PRKN: variants seen among roughly 807,000 people sequenced by gnomAD.
PRKN encodes E3 ubiquitin-protein ligase parkin.
PRKN carries 56 observed loss-of-function variants against 59.5 expected under a neutral mutation model. That is an observed-to-expected ratio of 0.94 (90% CI 0.76 to 1.18). The LOEUF (loss-of-function observed/expected upper bound fraction) is 1.18. Ranked by LOEUF, PRKN falls within the 50% of genes most tolerant of loss-of-function variation. The pLI, the probability that PRKN is intolerant of heterozygous loss-of-function variation, is 0.00. For synonymous variants in PRKN, 250 were observed against 222.1 expected (o/e 1.13, Z -1.12); for missense variants, 657 against 596.4 (o/e 1.10, Z -1.06).
At chr6:161,477,610 A>C (rs985188586) in intron 9 of PRKN, among the ~76,000 whole-genome samples, 1 of 152,156 alleles carries the variant, frequency 6.6e-6, no homozygotes. Flanking sequence ...AGCATAGAAG[A>C]AAATTAACTT....
chr6:162,032,295 C>T lies in PRKN; in HGVS notation c.618+21796G>A, dbSNP rs188755542. ...CAATGAAAATAATAATATTTTAAAA[C>T]CACCAAGCAAAAACAAGGCAAATAT... On this transcript the variant is annotated intron_variant, in intron 5 of 11. Transcript: ENST00000366898. Among the ~76,000 whole-genome samples, 193 of 152,088 alleles carry T rather than the reference C, an allele frequency of 1.3e-3. 1 individual carries two copies. The highest frequency in any genetic ancestry group is 4.6e-3 in the African/African-American group (189 of 41,490).
intron 7 of PRKN, among the ~76,000 whole-genome samples, chr6:161,647,760 T>A (rs1469135561): frequency 6.6e-6 from 1 of 152,222 alleles, no homozygotes. Context: ...TTATTGAGTT[T>A]CTTCAGTGTT....
chr6:162,158,827 G>C (rs1893549), intron 4 of PRKN, among the ~76,000 whole-genome samples: 1 of 151,866 alleles, frequency 6.6e-6, no homozygotes, highest in Admixed American at 6.6e-5. Flanking sequence ...ACTATTATAG[G>C]CTTCAAACGA....
chr6:162,610,442 A>T (rs992366632), intron 1 of PRKN, among the ~76,000 whole-genome samples: 1 of 152,240 alleles, frequency 6.6e-6, no homozygotes, highest in Non-Finnish European at 1.5e-5. Flanking sequence ...CTATTCCAAC[A>T]TGGAAGCAAC....
chr6:162,317,275 G>C (rs1006872766), intron 2 of PRKN, among the ~76,000 whole-genome samples: 1 of 152,058 alleles, frequency 6.6e-6, no homozygotes, highest in East Asian at 2.0e-4. Flanking sequence ...CACTTTCCCC[G>C]ATACTGTTCC....
intron 7 of PRKN, among the ~76,000 whole-genome samples, chr6:161,740,054 C>T (rs111719343): frequency 0.028 from 4,229 of 152,280 alleles, 213 homozygotes; most frequent in African/African-American, 0.097. Context: ...TGCGCCCGGC[C>T]AACACATGTA....
intron 7 of PRKN, among the ~76,000 whole-genome samples, chr6:161,754,299 C>T (rs751001558): frequency 6.6e-6 from 1 of 151,920 alleles, no homozygotes; most frequent in East Asian, 1.9e-4. Flanking sequence ...TGAGAGGACA[C>T]CAGCTTGACT....
At chr6:161,439,683 T>TA (rs756904170) in intron 9 of PRKN, among the ~76,000 whole-genome samples, 16 of 143,226 alleles carry the variant, frequency 1.1e-4, no homozygotes, top group Non-Finnish European at 2.1e-4. Flanking sequence ...AGTGTACCTT[T>TA]GGTGAAACAA....
intron 1 of PRKN, among the ~76,000 whole-genome samples, chr6:162,472,342 T>C (rs1264105498): frequency 2.0e-5 from 3 of 148,724 alleles, no homozygotes; most frequent in Non-Finnish European, 1.5e-5. Context: ...CTCCTAATGC[T>C]ACCCCTCCCC....
chr6:161,688,382 G>A (rs1197462553), intron 7 of PRKN, among the ~76,000 whole-genome samples: 18 of 152,212 alleles, frequency 1.2e-4, no homozygotes, highest in Admixed American at 1.2e-3. Flanking sequence ...CCAAAACATG[G>A]GGAAGAGCCT....
chr6:161,859,798 T>C (rs564137753), intron 6 of PRKN, among the ~76,000 whole-genome samples: 2 of 152,072 alleles, frequency 1.3e-5, no homozygotes, highest in Non-Finnish European at 2.9e-5. Flanking sequence ...CCTAAAACTA[T>C]GGTTTTATCC....
chr6:161,522,160 C>T (rs1418592484), intron 9 of PRKN, among the ~76,000 whole-genome samples: 2 of 152,182 alleles, frequency 1.3e-5, no homozygotes, highest in East Asian at 1.9e-4. Flanking sequence ...CCAAATTGTG[C>T]TACCTCCCCA....
chr6:162,111,682 C>T (rs1032403990), intron 4 of PRKN, among the ~76,000 whole-genome samples: 1 of 150,624 alleles, frequency 6.6e-6, no homozygotes, highest in African/African-American at 2.5e-5. Context: ...ACTAGTCTTT[C>T]AAGTTTTCTA....
At chr6:162,697,423 G>A (rs1778009594) in intron 1 of PRKN, among the ~76,000 whole-genome samples, 1 of 152,086 alleles carries the variant, frequency 6.6e-6, no homozygotes, top group Admixed American at 6.5e-5. Flanking sequence ...AAGTAACTGA[G>A]AGTAGAAAGT....
chr6:161,650,977 T>A (rs977268104), intron 7 of PRKN, among the ~76,000 whole-genome samples: 1 of 152,264 alleles, frequency 6.6e-6, no homozygotes, highest in Non-Finnish European at 1.5e-5. Context: ...ATACGTTTAT[T>A]ATATTATAAT....
chr6:162,671,942 G>A (rs1487623079), intron 1 of PRKN, among the ~76,000 whole-genome samples: 2 of 151,988 alleles, frequency 1.3e-5, no homozygotes, highest in African/African-American at 2.4e-5. Flanking sequence ...AGACACCAGG[G>A]CTGCAGACTG....
intron 7 of PRKN, among the ~76,000 whole-genome samples, chr6:161,658,357 G>C (rs1215328804): frequency 6.6e-6 from 1 of 152,182 alleles, no homozygotes; most frequent in African/African-American, 2.4e-5. Flanking sequence ...GAGTTCTCTT[G>C]TGCTGGTCTT....
intron 6 of PRKN, among the ~76,000 whole-genome samples, chr6:161,829,953 A>C (rs4307152): frequency 6.6e-6 from 1 of 151,940 alleles, no homozygotes; most frequent in Non-Finnish European, 1.5e-5. Context: ...CCTCTCGCCA[A>C]GTCCGTAGCT....
Position 161,836,378 on chromosome 6 carries a change from G to A in PRKN, c.735-50470C>T, listed in dbSNP as rs140457651. On this transcript the variant is annotated intron_variant, in intron 6 of 11. Transcript: ENST00000366898. ...CCAAGATCCCTGGCTCTGGATGAGG[G>A]GGAAATTGCCGTACATGATTCAGTT... Among the ~76,000 whole-genome samples the A allele has an allele frequency of 4.0e-4, 61 of 152,214 alleles. 1 individual carries two copies. In the East Asian group the frequency reaches 0.01, roughly 26 times the overall value.
Sources: gnomAD v4.1 joint callset for allele counts (sites outside exome capture counted in the v4.1 genomes callset) on GRCh38, gnomAD v4.1.1 for gene constraint, MANE v1.5 for transcripts, NCBI Gene and HGNC (gene_info 2026-07-23, HGNC 2026-07-21) for gene names.